Variants in CACNB2 observed in about 807,000 individuals in gnomAD.
The protein encoded by CACNB2 is voltage-dependent L-type calcium channel subunit beta-2.
In CACNB2, 42 loss-of-function variants were observed where a neutral mutation model predicts 73.3. The ratio of observed to expected loss-of-function variants is 0.57; its 90% CI spans 0.45 to 0.74. The LOEUF (loss-of-function observed/expected upper bound fraction) is 0.74. Among genes scored for constraint, CACNB2 ranks in the 30% least tolerant of loss-of-function variants. The pLI is 0.00. For synonymous variants in CACNB2, 348 were observed against 310.3 expected (o/e 1.12, Z -1.28); for missense variants, 940 against 853.0 (o/e 1.10, Z -1.27).
At chr10:18,222,559 A>T (rs2035836373) in intron 2 of CACNB2, among the ~76,000 whole-genome samples, 1 of 152,200 alleles carries the variant, frequency 6.6e-6, no homozygotes, top group African/African-American at 2.4e-5. Context: ...TTTAAGTAGT[A>T]CCGATCATTT....
intron 2 of CACNB2, among the ~76,000 whole-genome samples, chr10:18,251,482 A>G (rs1434891847): frequency 6.6e-6 from 1 of 152,118 alleles, no homozygotes; most frequent in Non-Finnish European, 1.5e-5. Flanking sequence ...TCCTGACCCC[A>G]GGTGATCCAC....
chr10:18,443,087 A>G (rs557417123), intron 3 of CACNB2, among the ~76,000 whole-genome samples: 1 of 148,622 alleles, frequency 6.7e-6, no homozygotes, highest in East Asian at 2.0e-4. Context: ...GGCTGAACAG[A>G]TCTTAATTTT....
At chr10:18,430,858 A>G (rs2045856049) in intron 3 of CACNB2, among the ~76,000 whole-genome samples, 1 of 152,212 alleles carries the variant, frequency 6.6e-6, no homozygotes, top group Non-Finnish European at 1.5e-5. Context: ...CCATTTTTGT[A>G]TTTGCAGTTA....
chr10:18,196,314 A>C, intron 2 of CACNB2, among the ~76,000 whole-genome samples: 1 of 139,590 alleles, frequency 7.2e-6, no homozygotes. Flanking sequence ...TTTTTTTGAG[A>C]CAGGGTCTTG....
chr10:18,153,827 C>T (rs1041479022), intron 2 of CACNB2, among the ~76,000 whole-genome samples: 1 of 147,688 alleles, frequency 6.8e-6, no homozygotes, highest in Non-Finnish European at 1.5e-5. Flanking sequence ...GGTGATCCGC[C>T]CACCTTGGTG....
Position 18,201,336 on chromosome 10 carries a change from A to G in CACNB2, c.213+50361A>G, listed in dbSNP as rs180992047. Among the ~76,000 whole-genome samples, 498 of 148,342 alleles carry G rather than the reference A, an allele frequency of 3.4e-3. 1 individual carries two copies. The highest frequency in any genetic ancestry group is 0.011 in the African/African-American group (443 of 40,136). ...GTCAGCCAGGCTGGAGTACAGCGGC[A>G]TGATCTTGACTCACTGCAACCTCCG... On this transcript the variant is annotated intron_variant, in intron 2 of 13. Coordinates refer to ENST00000324631, the MANE Select transcript of CACNB2 (RefSeq NM_201596.3).
intron 12 of CACNB2, 28 bp downstream of exon 12, chr10:18,536,224 C>A: frequency 1.3e-6 from 1 of 768,640 alleles, no homozygotes; most frequent in Non-Finnish European, 2.2e-6. Context: ...ACAGCATAAT[C>A]CAGTTACAGA....
chr10:18,414,870 C>G (rs139062639), intron 3 of CACNB2, among the ~76,000 whole-genome samples: 5 of 152,022 alleles, frequency 3.3e-5, no homozygotes, highest in Admixed American at 1.3e-4. Flanking sequence ...TTTTTCTCCA[C>G]CAGATGTTAA....
intron 2 of CACNB2, among the ~76,000 whole-genome samples, chr10:18,348,212 T>G (rs2041549368): frequency 6.6e-6 from 1 of 152,228 alleles, no homozygotes; most frequent in African/African-American, 2.4e-5. Context: ...AAATCATGAA[T>G]TTCTGCATTG....
At chr10:18,289,271 A>ATTTTTTTTTT (rs930453356) in intron 2 of CACNB2, among the ~76,000 whole-genome samples, 1 of 129,256 alleles carries the variant, frequency 7.7e-6, no homozygotes. Context: ...AGTTGTCTTC[A>ATTTTTTTTTT]TTTTTTTTTC....
intron 2 of CACNB2, among the ~76,000 whole-genome samples, chr10:18,212,915 G>T (rs1027248613): frequency 3.3e-5 from 5 of 152,210 alleles, no homozygotes; most frequent in African/African-American, 1.2e-4. Context: ...AGTTAATTAT[G>T]ATATATGACC....
In CACNB2 at chr10:18,400,682, CT is replaced by C. The variant is rs2043949150; in HGVS notation, c.214-1238del. On this transcript the variant is annotated intron_variant, in intron 2 of 13. Coordinates refer to ENST00000324631, the MANE Select transcript of CACNB2 (RefSeq NM_201596.3). ...TCTGCGATTCTTTTACAACTAATTTCTTTTAACAATTTGAGCGCAGGGAAGA... is the reference window on the plus strand; with the variant it reads ...TCTGCGATTCTTTTACAACTAATTTCTTTAACAATTTGAGCGCAGGGAAGA... The C allele has an allele frequency of 5.4e-6, 5 of 927,860 alleles. No homozygotes were observed. The South Asian group carries it at 2.6e-4, about 48-fold the overall frequency. 57.5% of individuals were successfully genotyped at this position (927,860 alleles called of 1,614,324 possible).
chr10:18,352,478 A>T (rs78737394), intron 2 of CACNB2, among the ~76,000 whole-genome samples: 1 of 152,210 alleles, frequency 6.6e-6, no homozygotes, highest in Non-Finnish European at 1.5e-5. Flanking sequence ...GAAAGAAAAG[A>T]GAAACCAGGA....
At chr10:18,268,138 T>G (rs1242450718) in intron 2 of CACNB2, among the ~76,000 whole-genome samples, 1 of 152,228 alleles carries the variant, frequency 6.6e-6, no homozygotes, top group Admixed American at 6.5e-5. Flanking sequence ...AAGGATGCCT[T>G]CATTGTTTTA....
In CACNB2 at chr10:18,495,859, G is replaced by A. The variant is rs555119977; in HGVS notation, c.334-2496G>A. Among the ~76,000 whole-genome samples the A allele has an allele frequency of 2.8e-3, 418 of 151,868 alleles. 3 individuals carry two copies. Among genetic ancestry groups the A allele is most frequent in the African/African-American group, 9.8e-3 (405 of 41,404 alleles). On this transcript the variant is annotated intron_variant, in intron 3 of 13. Coordinates refer to ENST00000324631, the MANE Select transcript of CACNB2 (RefSeq NM_201596.3). ...AAAAATAGAAACATCATACTCTCAA[G>A]GATTGTGTTTCAGTTGTACAGGTAA...
chr10:18,516,024 G>A (rs2051242663), intron 7 of CACNB2, among the ~76,000 whole-genome samples: 1 of 152,102 alleles, frequency 6.6e-6, no homozygotes, highest in South Asian at 2.1e-4. Flanking sequence ...GACCAGCCTG[G>A]CCAACATGGT....
chr10:18,144,539 G>A (rs2030766060), intron 1 of CACNB2, among the ~76,000 whole-genome samples: 1 of 152,212 alleles, frequency 6.6e-6, no homozygotes, highest in African/African-American at 2.4e-5. Flanking sequence ...GGTGCTCATG[G>A]AGGACCCTTT....
At chr10:18,426,581 T>G (rs1415624630) in intron 3 of CACNB2, among the ~76,000 whole-genome samples, 1 of 152,252 alleles carries the variant, frequency 6.6e-6, no homozygotes, top group Non-Finnish European at 1.5e-5. Context: ...GTCTCACACC[T>G]GTAATTCTAG....
At chr10:18,488,519 C>T (rs917680487) in intron 3 of CACNB2, among the ~76,000 whole-genome samples, 10 of 147,730 alleles carry the variant, frequency 6.8e-5, no homozygotes, top group African/African-American at 7.5e-5. Context: ...GATTTGACAT[C>T]GCTGTTGATT....
Sources: allele counts gnomAD v4.1 joint callset (sites outside exome capture counted in the v4.1 genomes callset), GRCh38; gene constraint gnomAD v4.1.1; transcripts MANE v1.5; gene names NCBI Gene and HGNC (gene_info 2026-07-23, HGNC 2026-07-21).